The following TTL variants were observed in gnomAD, a reference collection of about 807,000 sequenced individuals.
TTL encodes tubulin--tyrosine ligase.
Under a neutral mutation model 41.1 loss-of-function variants are expected in TTL, and 10 were observed. That is an observed-to-expected ratio of 0.24 (90% CI 0.15 to 0.41). The LOEUF is 0.41. TTL is among the 10% of genes least tolerant of loss of function. TTL has a pLI of 1.00. For synonymous variants in TTL, 175 were observed against 175.5 expected (o/e 1.00, Z 0.02); for missense variants, 367 against 460.4 (o/e 0.80, Z 1.86).
chr2:112,519,435 G>T (rs974558925), intron 5 of TTL, among the ~76,000 whole-genome samples: 4 of 151,526 alleles, frequency 2.6e-5, no homozygotes, highest in East Asian at 1.9e-4. Flanking sequence ...ATTCATTGTT[G>T]CTAATAATAC....
Position 112,503,187 on chromosome 2 carries a change from T to C in TTL, c.875+6T>C. The C allele has an allele frequency of 6.4e-7, 1 of 1,572,216 alleles. No individual in the cohort carries two copies. The highest frequency in any genetic ancestry group is 8.6e-7 in the Non-Finnish European group (1 of 1,157,338). On this transcript the variant is annotated splice_donor_region_variant and intron_variant, in intron 5 of 6. Coordinates refer to ENST00000233336, the MANE Select transcript of TTL (RefSeq NM_153712.5). ...CAAATCAAACATATAATAAGGTAAC[T>C]TAATTGTATCTTTTTGGATTACGTG...
intron 6 of TTL, among the ~76,000 whole-genome samples, chr2:112,524,999 T>C (rs1428375156): frequency 6.6e-6 from 1 of 152,232 alleles, no homozygotes; most frequent in Non-Finnish European, 1.5e-5. Context: ...AGTTTCAGCT[T>C]TCTATGTATG....
intron 6 of TTL, among the ~76,000 whole-genome samples, chr2:112,524,302 A>G (rs1682320194): frequency 1.3e-5 from 2 of 152,204 alleles, no homozygotes; most frequent in Admixed American, 6.5e-5. Flanking sequence ...TCCTTTGGGT[A>G]TATACCCAGT....
In TTL at chr2:112,482,554, TC is replaced by T; in HGVS notation, c.157+56del. 1 of 1,518,518 alleles carries T rather than the reference TC, an allele frequency of 6.6e-7. No homozygotes were observed. The highest frequency in any genetic ancestry group is 8.9e-7 in the Non-Finnish European group (1 of 1,129,668). The allele number at this position is 1,518,518 out of a possible 1,614,324, so 94.1% of individuals were successfully genotyped here. On this transcript the variant is annotated intron_variant, in intron 1 of 6. Coordinates refer to ENST00000233336, the MANE Select transcript of TTL (RefSeq NM_153712.5). The surrounding 1 kb of genome is among the most constrained non-coding windows in gnomAD (Gnocchi z 5.3). ...CCTCCTCGGAGCGGCCCTGCGCGCC[TC>T]CCGCGGCCCGTTAGAACCGGCGCTT...
intron 1 of TTL, among the ~76,000 whole-genome samples, chr2:112,485,373 A>C (rs1681214044): frequency 6.6e-6 from 1 of 152,266 alleles, no homozygotes. Context: ...AATGCGGCAC[A>C]GAAGAAAGCT....
intron 5 of TTL, among the ~76,000 whole-genome samples, chr2:112,515,948 GAATAAATAAATAAATAAATA>G (rs59842188): frequency 0.017 from 2,438 of 145,630 alleles, 30 homozygotes; most frequent in Non-Finnish European, 0.022. Flanking sequence ...CTCCATCTCA[GAATAAATAAATAAATAAATA>G]AATAAATAAA....
At chr2:112,526,807 A>C (rs1682385692) in intron 6 of TTL, among the ~76,000 whole-genome samples, 1 of 151,922 alleles carries the variant, frequency 6.6e-6, no homozygotes, top group African/African-American at 2.4e-5. Context: ...CTCTGATCTT[A>C]GTTATTTCTT....
chr2:112,514,203 G>A (rs779922154), intron 5 of TTL, among the ~76,000 whole-genome samples: 1 of 152,076 alleles, frequency 6.6e-6, no homozygotes, highest in Non-Finnish European at 1.5e-5. Flanking sequence ...GATACATGCT[G>A]AAACCCCATC....
chr2:112,507,674 T>A (rs1456023224), intron 5 of TTL, among the ~76,000 whole-genome samples: 1 of 146,200 alleles, frequency 6.8e-6, no homozygotes, highest in East Asian at 2.1e-4. Flanking sequence ...GCTTGGTAGA[T>A]CTTCCTCCAT....
rs751708161 is a variant in TTL, at chr2:112,494,154, C to T, written c.248C>T (p.Thr83Ile). Reference protein sequence around the residue: ...RKASLVKLIKTSPELAESCTW... With the variant: ...RKASLVKLIKISPELAESCTW... ...CTGTCATCTGCCAGGCTAATCAAGA[C>T]AAGCCCTGAACTGGCTGAGTCCTGC... Residue 83 changes from threonine (T) to isoleucine (I), a missense_variant, in exon 3 of 7, where the codon ACA (threonine) becomes ATA (isoleucine). Thr to Ile is a moderately conservative substitution (Grantham distance 89). Coordinates refer to ENST00000233336, the MANE Select transcript of TTL (RefSeq NM_153712.5). 2 of 1,613,996 alleles carry T rather than the reference C, an allele frequency of 1.2e-6. No homozygotes were observed. The highest frequency in any genetic ancestry group is 1.1e-5 in the South Asian group (1 of 91,072).
chr2:112,519,709 C>G (rs193205049), intron 5 of TTL, among the ~76,000 whole-genome samples: 1 of 152,116 alleles, frequency 6.6e-6, no homozygotes, highest in Admixed American at 6.6e-5. Context: ...CACAATGACT[C>G]GGCACTCTAC....
At chr2:112,485,863 C>T (rs1028140489) in intron 1 of TTL, 54 bp from the exon 2 acceptor site, 10 of 1,464,026 alleles carry the variant, frequency 6.8e-6, no homozygotes, top group Non-Finnish European at 9.2e-6. Flanking sequence ...CAGCTGTCCT[C>T]TCTCCTGCTT....
chr2:112,511,591 G>A (rs369062446), intron 5 of TTL, among the ~76,000 whole-genome samples: 2 of 150,794 alleles, frequency 1.3e-5, no homozygotes, highest in East Asian at 2.0e-4. Context: ...TTTTGAGATG[G>A]TCTGACTCTG....
rs1682670646 is a variant in TTL at position 112,539,416 on chromosome 2, A to G, written c.*10621A>G. 6.6e-6 allele frequency: 1 copy of G among 152,226 alleles called. No individual in the cohort carries two copies. The highest frequency in any genetic ancestry group is 6.5e-5 in the Admixed American group (1 of 15,276). The allele number at this position is 152,226 out of a possible 1,614,324, so 9.4% of individuals were successfully genotyped here. A position where few individuals can be genotyped will look rare whatever the true frequency, so the allele number is the denominator to read the frequency against. ...CCACTTTAATAGAAAAAAGAGGACA[A>G]AAAGCACATGATCATTTCAATATAC... On this transcript the variant is annotated 3_prime_UTR_variant, in exon 7 of 7. Coordinates refer to ENST00000233336, the MANE Select transcript of TTL (RefSeq NM_153712.5).
intron 5 of TTL, among the ~76,000 whole-genome samples, chr2:112,512,311 G>A (rs1681942766): frequency 6.7e-6 from 1 of 150,326 alleles, no homozygotes; most frequent in African/African-American, 2.5e-5. Flanking sequence ...CGCTCAGGCT[G>A]GAGTGCAGTG....
At chr2:112,496,618 CTT>C (rs1287371238) in intron 3 of TTL, among the ~76,000 whole-genome samples, 1 of 148,850 alleles carries the variant, frequency 6.7e-6, no homozygotes, top group African/African-American at 2.5e-5. Flanking sequence ...GTAGATGACC[CTT>C]GTTTCTTTTT....
chr2:112,496,680 T>C (rs1681535704), intron 3 of TTL, among the ~76,000 whole-genome samples: 1 of 123,906 alleles, frequency 8.1e-6, no homozygotes, highest in Admixed American at 9.2e-5. Context: ...TGTGTGTGTG[T>C]GTGTGTGTGT....
intron 6 of TTL, among the ~76,000 whole-genome samples, chr2:112,527,206 A>T (rs1682393300): frequency 6.6e-6 from 1 of 152,234 alleles, no homozygotes; most frequent in Non-Finnish European, 1.5e-5. Context: ...CTTTACTTCC[A>T]ATTATGTGGT....
rs1265753104 is a variant in TTL, at chr2:112,534,548, T to A, written c.*5753T>A. ...TACCAGAGAATTGCCATTTGGCCTT[T>A]TTGGTAGTTCCATGTAAGTCCCTAC... On this transcript the variant is annotated 3_prime_UTR_variant, in exon 7 of 7. Transcript: ENST00000233336. 6.6e-6 allele frequency: 1 copy of A among 152,470 alleles called. No individual in the cohort carries two copies. The highest frequency in any genetic ancestry group is 1.5e-5 in the Non-Finnish European group (1 of 68,026). The allele number at this position is 152,470 out of a possible 1,614,324, so 9.4% of individuals were successfully genotyped here.
Sources: allele counts gnomAD v4.1 joint callset (sites outside exome capture counted in the v4.1 genomes callset), GRCh38; gene constraint gnomAD v4.1.1; non-coding constraint Gnocchi (gnomAD v3.1); transcripts MANE v1.5; gene names NCBI Gene and HGNC (gene_info 2026-07-23, HGNC 2026-07-21).